GDA: variants seen among roughly 807,000 people sequenced by gnomAD.
GDA encodes guanine deaminase, also known as cytoplasmic PSD-95 interactor.
A neutral mutation model predicts 59.6 loss-of-function variants in GDA; 18 were observed. The observed-to-expected ratio is 0.30, with a 90% CI of 0.21 to 0.45. The LOEUF (loss-of-function observed/expected upper bound fraction) is 0.45. Ranked by LOEUF, GDA falls within the 20% of genes least tolerant of loss-of-function variation. The probability of loss-of-function intolerance (pLI) is 1.00; values close to 1 mark genes in which losing one functional copy is unlikely to be tolerated. For synonymous variants in GDA, 201 were observed against 201.1 expected, an observed-to-expected ratio of 1.00 and a Z score of 0.00; for missense variants, 427 against 552.3, an observed-to-expected ratio of 0.77 and a Z score of 2.27.
chr9:72,194,162 A>C (rs1482774348), intron 1 of GDA: 3 of 152,144 alleles, frequency 2.0e-5, no homozygotes, highest in Non-Finnish European at 2.9e-5. Flanking sequence ...CTAAAGTGTA[A>C]GACAAAGTAC....
rs1484741245 is a variant in GDA at position 72,250,446 on chromosome 9, A to G, written c.*2104A>G. The stretch of plus-strand genomic sequence containing the variant: ...TTAAACATTTAAATTTAGCTCTGAT[A>G]GTGTGTTAAGACCTGAATATCTTTC... On this transcript the variant is annotated 3_prime_UTR_variant, in exon 14 of 14. Transcript: ENST00000358399. The G allele has an allele frequency of 8.0e-6, 10 of 1,249,796 alleles. No homozygotes were observed. In the African/African-American group the frequency reaches 1.5e-4, roughly 19 times the overall value. The allele number at this position is 1,249,796 out of a possible 1,614,324, so 77.4% of individuals were successfully genotyped here. A position where few individuals can be genotyped will look rare whatever the true frequency, so the allele number is the denominator to read the frequency against.
chr9:72,221,787 C>T (rs1252823966), intron 6 of GDA, among the ~76,000 whole-genome samples: 6 of 152,328 alleles, frequency 3.9e-5, no homozygotes, highest in African/African-American at 1.4e-4. Flanking sequence ...TTAGCTCCTA[C>T]TTATAAGTGA....
intron 1 of GDA, among the ~76,000 whole-genome samples, chr9:72,137,802 T>C (rs1315166272): frequency 1.3e-5 from 2 of 151,726 alleles, no homozygotes; most frequent in Non-Finnish European, 2.9e-5. Context: ...ACAACCAAAA[T>C]TATTTTCAGA....
chr9:72,192,295 G>A (rs1269949169), intron 1 of GDA, among the ~76,000 whole-genome samples: 2 of 122,446 alleles, frequency 1.6e-5, no homozygotes, highest in African/African-American at 6.4e-5. Flanking sequence ...GTGCAGTGTC[G>A]CGATCTCGGC....
downstream of GDA, among the ~76,000 whole-genome samples, chr9:72,259,231 G>A (rs528336290): frequency 2.0e-3 from 306 of 152,092 alleles, no homozygotes; most frequent in African/African-American, 7.2e-3. Context: ...CACCATATTG[G>A]CCAGGCTGGT....
intron 7 of GDA, among the ~76,000 whole-genome samples, chr9:72,225,176 G>A (rs1837396488): frequency 6.6e-6 from 1 of 152,130 alleles, no homozygotes; most frequent in Admixed American, 6.5e-5. Context: ...AGCTACTCAG[G>A]AGGCTAAGAC....
At chr9:72,118,043 C>T (rs994018416) in intron 1 of GDA, among the ~76,000 whole-genome samples, 3 of 151,816 alleles carry the variant, frequency 2.0e-5, no homozygotes, top group African/African-American at 4.8e-5. Context: ...GAGGCTGAGG[C>T]GGGCGGATCA....
At chr9:72,196,170 T>A (rs187037990) in intron 2 of GDA, among the ~76,000 whole-genome samples, 1 of 151,908 alleles carries the variant, frequency 6.6e-6, no homozygotes, top group East Asian at 1.9e-4. Context: ...TAATATATGT[T>A]ATACAGTTCT....
chr9:72,144,948 G>A (rs565408651), upstream of GDA, among the ~76,000 whole-genome samples: 614 of 150,988 alleles, frequency 4.1e-3, 5 homozygotes, highest in Non-Finnish European at 6.7e-3. Flanking sequence ...GTGAGCACAG[G>A]GCACCATGGA....
At chr9:72,123,138 C>T (rs1391645249) in intron 1 of GDA, among the ~76,000 whole-genome samples, 4 of 151,542 alleles carry the variant, frequency 2.6e-5, no homozygotes, top group African/African-American at 7.3e-5. Context: ...TCCCCATGAT[C>T]GAGAATACTT....
chr9:72,230,197 A>G (rs1016432704), intron 9 of GDA, among the ~76,000 whole-genome samples: 1 of 152,248 alleles, frequency 6.6e-6, no homozygotes, highest in South Asian at 2.1e-4. Context: ...TTGTCTCTTT[A>G]GAAAGGCAGC....
chr9:72,145,843 C>T (rs577032745), upstream of GDA, among the ~76,000 whole-genome samples: 2 of 152,288 alleles, frequency 1.3e-5, no homozygotes, highest in African/African-American at 4.8e-5. Context: ...GAATTGTTCA[C>T]CATTAGCAGA....
intron 1 of GDA, among the ~76,000 whole-genome samples, chr9:72,183,312 C>T (rs1271844102): frequency 6.6e-6 from 1 of 152,130 alleles, no homozygotes; most frequent in Non-Finnish European, 1.5e-5. Flanking sequence ...CAGCCTTGCC[C>T]ATTCCACCTG....
At chr9:72,145,638 T>C (rs554235013), upstream of GDA, among the ~76,000 whole-genome samples, 2 of 152,278 alleles carry the variant, frequency 1.3e-5, no homozygotes, top group African/African-American at 2.4e-5. Context: ...CCTCAGGCAA[T>C]TGGAGGTTTA....
At position 72,250,334 on chromosome 9, in the gene GDA, T is replaced by G. The variant is rs573763234; in HGVS notation, c.*1992T>G. 9.6e-7 allele frequency: 1 copy of G among 1,038,598 alleles called. No individual in the cohort carries two copies. Among genetic ancestry groups the G allele is most frequent in the Non-Finnish European group, 1.2e-6 (1 of 863,958 alleles). 64.3% of individuals were successfully genotyped at this position (1,038,598 alleles called of 1,614,324 possible). ...GTACATTTTGATGTTGAACATCAGT[T>G]TTCATGTAGACTTAGGACTCATGTG... On this transcript the variant is annotated 3_prime_UTR_variant, in exon 14 of 14. Coordinates refer to ENST00000358399, the MANE Select transcript of GDA (RefSeq NM_004293.5).
intron 1 of GDA, among the ~76,000 whole-genome samples, chr9:72,142,234 T>G (rs1390752151): frequency 6.6e-6 from 1 of 152,226 alleles, no homozygotes; most frequent in Non-Finnish European, 1.5e-5. Context: ...TTATTGAGTT[T>G]CTGTCTTGTA....
At position 72,213,959 on chromosome 9, in the gene GDA, G is replaced by A; in HGVS notation, c.546G>A (p.Glu182=). The part of the protein sequence containing the change: ...DLNDTFPEYK[E]TTEESIKETE... ...ATGACACTTTTCCAGAATACAAGGAGACCACTGAGGAATCGATCAAGGAAA... is the reference window on the plus strand; with the variant it reads ...ATGACACTTTTCCAGAATACAAGGAAACCACTGAGGAATCGATCAAGGAAA... Residue 182 remains glutamate, a synonymous_variant, in exon 5 of 14, where the codon GAG becomes GAA. Transcript: ENST00000358399. 1 of 1,606,956 alleles carries A rather than the reference G, an allele frequency of 6.2e-7. No homozygotes were observed. Among genetic ancestry groups the A allele is most frequent in the African/African-American group, 1.3e-5 (1 of 74,884 alleles).
intron 1 of GDA, among the ~76,000 whole-genome samples, chr9:72,126,102 C>G (rs1238912355): frequency 4.0e-5 from 6 of 151,826 alleles, no homozygotes; most frequent in African/African-American, 1.5e-4. Flanking sequence ...ATTTTTAGTA[C>G]AGACGGGGTT....
At chr9:72,188,894 A>T (rs1233816753) in intron 1 of GDA, among the ~76,000 whole-genome samples, 2 of 152,196 alleles carry the variant, frequency 1.3e-5, no homozygotes, top group African/African-American at 2.4e-5. Context: ...TGTGCCCAGG[A>T]TGCAGAAAAT....
Sources: gnomAD v4.1 joint callset for allele counts (sites outside exome capture counted in the v4.1 genomes callset) on GRCh38, gnomAD v4.1.1 for gene constraint, MANE v1.5 for transcripts, NCBI Gene and HGNC (gene_info 2026-07-23, HGNC 2026-07-21) for gene names.